Variants in KIAA0930 observed in about 807,000 individuals in gnomAD.
KIAA0930 encodes the protein KIAA0930.
A neutral mutation model predicts 43.9 loss-of-function variants in KIAA0930; 24 were observed. That is an observed-to-expected ratio of 0.55 (90% confidence interval 0.40 to 0.77). The LOEUF is 0.77. KIAA0930 is among the 30% of genes least tolerant of loss of function. The probability of loss-of-function intolerance (pLI) is 0.00; values close to 1 mark genes in which losing one functional copy is unlikely to be tolerated. For missense variants in KIAA0930, 461 were observed against 574.2 expected (o/e 0.80, Z 2.02); for synonymous variants, 259 against 216.4 (o/e 1.20, Z -1.73).
chr22:45,216,863 G>A (rs1210690296), intron 1 of KIAA0930, among the ~76,000 whole-genome samples: 1 of 152,092 alleles, frequency 6.6e-6, no homozygotes, highest in African/African-American at 2.4e-5. Flanking sequence ...TGTGCTCACG[G>A]CCCTGCCTTC....
intron 2 of KIAA0930, among the ~76,000 whole-genome samples, chr22:45,209,056 C>T (rs1258034849): frequency 6.6e-6 from 1 of 152,216 alleles, no homozygotes; most frequent in East Asian, 1.9e-4. Flanking sequence ...GACATCCCTC[C>T]CTGGGAAAGG....
At chr22:45,215,076 G>A (rs1453424130) in intron 1 of KIAA0930, among the ~76,000 whole-genome samples, 4 of 152,048 alleles carry the variant, frequency 2.6e-5, no homozygotes, top group African/African-American at 9.7e-5. Context: ...AACTTAGGTG[G>A]GTGTGGTGGT....
intron 1 of KIAA0930, among the ~76,000 whole-genome samples, chr22:45,215,262 TTAGTCTACATA>T (rs2083724572): frequency 6.6e-6 from 1 of 152,178 alleles, no homozygotes; most frequent in South Asian, 2.1e-4. Context: ...ATCAAACTGT[TTAGTCTACATA>T]TATGCAGTTT....
chr22:45,200,043 C>A lies in KIAA0930; in HGVS notation c.853-8G>T, dbSNP rs1186600494. 2 of 1,585,468 alleles carry A rather than the reference C, an allele frequency of 1.3e-6. No individual in the cohort carries two copies. Among genetic ancestry groups the A allele is most frequent in the African/African-American group, 1.4e-5 (1 of 72,914 alleles). On this transcript the variant is annotated splice_polypyrimidine_tract_variant and splice_region_variant and intron_variant, in intron 7 of 9. Transcript: ENST00000336156. The stretch of plus-strand genomic sequence containing the variant: ...TGTGCTGAAGGAGGTCACCTGGGAA[C>A]AAGCAGCCAAAGTCACCAGAGTAGC...
intron 7 of KIAA0930, chr22:45,201,093 C>T (rs570864351): frequency 8.4e-5 from 39 of 464,454 alleles, no homozygotes; most frequent in African/African-American, 3.0e-4. Context: ...CTCCTCGTCA[C>T]GGCTCCGACA....
At chr22:45,231,650 AATAC>A (rs778067173) in intron 1 of KIAA0930, among the ~76,000 whole-genome samples, 195 of 152,328 alleles carry the variant, frequency 1.3e-3, no homozygotes, top group Non-Finnish European at 2.2e-3. Context: ...GGTGACTACA[AATAC>A]ATAAAAATGT....
At chr22:45,216,454 C>T (rs1328099460) in intron 1 of KIAA0930, among the ~76,000 whole-genome samples, 2 of 151,826 alleles carry the variant, frequency 1.3e-5, no homozygotes, top group African/African-American at 2.4e-5. Flanking sequence ...ACACTGACAC[C>T]GAGCACGGCA....
intron 1 of KIAA0930, among the ~76,000 whole-genome samples, chr22:45,216,457 G>T (rs946542035): frequency 1.3e-5 from 2 of 152,162 alleles, no homozygotes; most frequent in African/African-American, 4.8e-5. Flanking sequence ...CTGACACCGA[G>T]CACGGCAGTG....
chr22:45,205,489 G>T, intron 4 of KIAA0930, 141 bp downstream of exon 4: 3 of 896,856 alleles, frequency 3.3e-6, no homozygotes, highest in Non-Finnish European at 5.3e-6. Context: ...TGGGATACGG[G>T]ATCCCAGGAG....
At chr22:45,212,382 G>A (rs1035096828) in intron 1 of KIAA0930, 17 of 1,587,108 alleles carry the variant, frequency 1.1e-5, no homozygotes, top group Non-Finnish European at 1.7e-6. Flanking sequence ...CCAGCCTGGG[G>A]ATGAATCAGC....
chr22:45,230,393 G>A (rs1356298914), intron 1 of KIAA0930, among the ~76,000 whole-genome samples: 1 of 152,026 alleles, frequency 6.6e-6, no homozygotes, highest in Non-Finnish European at 1.5e-5. Context: ...AAGCAGGAAG[G>A]TCTCTCTCAC....
intron 7 of KIAA0930, chr22:45,200,969 G>A (rs755615861): frequency 1.9e-6 from 1 of 521,302 alleles, no homozygotes; most frequent in Admixed American, 2.0e-5. Context: ...GAAGAAGGGG[G>A]GGAAGGGCGT....
intron 1 of KIAA0930, among the ~76,000 whole-genome samples, chr22:45,222,079 TA>T (rs2083770958): frequency 6.6e-6 from 1 of 152,154 alleles, no homozygotes; most frequent in Non-Finnish European, 1.5e-5. Context: ...GGATGTAGAT[TA>T]TTCTTCCACA....
chr22:45,197,824 G>C lies in KIAA0930; in HGVS notation c.1140C>G (p.Thr380=), dbSNP rs753649355. The part of the protein sequence containing the change: ...DGNFLLYAHL[T]YVTLPLHRIL... ...TCCGATGCAGCGGCAACGTGACGTA[G>C]GTTAAGTGTGCATAGAGAAGGAAGT... Residue 380 remains threonine (T), a synonymous_variant, in exon 9 of 10, where the codon ACC becomes ACG. Coordinates refer to ENST00000336156, the MANE Select transcript of KIAA0930 (RefSeq NM_001009880.2). 6.2e-6 allele frequency: 10 copies of C among 1,614,228 alleles called. No homozygotes were observed. The highest frequency in any genetic ancestry group is 7.6e-6 in the Non-Finnish European group (9 of 1,180,048).
At chr22:45,213,250 AGCCCTCGGCCCTCAGCCCTCAGCCCTCT>A (rs1283651265) in intron 1 of KIAA0930, 8 of 1,212,010 alleles carry the variant, frequency 6.6e-6, no homozygotes, top group Admixed American at 2.4e-5. Flanking sequence ...AGCCAGCCCC[AGCCCTCGGCCCTCAGCCCTCAGCCCTCT>A]GCCCTCTGCC....
chr22:45,202,428 G>T (rs1485563786), intron 7 of KIAA0930: 1 of 152,902 alleles, frequency 6.5e-6, no homozygotes, highest in Non-Finnish European at 1.5e-5. Context: ...GGCAAGTCTG[G>T]TTTCCGGCTG....
chr22:45,199,772 GAATGAACA>G, intron 8 of KIAA0930, 93 bp downstream of exon 8: 1 of 1,231,228 alleles, frequency 8.1e-7, no homozygotes, highest in Non-Finnish European at 1.1e-6. Context: ...AAGTGCTGCT[GAATGAACA>G]AATGAATGAA....
At chr22:45,198,589 T>C (rs2083557928) in intron 8 of KIAA0930, among the ~76,000 whole-genome samples, 1 of 152,230 alleles carries the variant, frequency 6.6e-6, no homozygotes, top group African/African-American at 2.4e-5. Context: ...TGATCAATGC[T>C]GCAGCCCTGC....
In KIAA0930 at chr22:45,197,135, G is replaced by T. The variant is rs907977107; in HGVS notation, c.*41C>A. The T allele has an allele frequency of 1.1e-5, 16 of 1,515,196 alleles. No individual in the cohort carries two copies. The highest frequency in any genetic ancestry group is 1.3e-5 in the Non-Finnish European group (15 of 1,124,630). The allele number at this position is 1,515,196 out of a possible 1,614,324, so 93.9% of individuals were successfully genotyped here. ...GGTAGGCACTTGGCAGCACTCCGAG[G>T]GCTGGGCCCGGCCGGGGCTCTGCGC... On this transcript the variant is annotated 3_prime_UTR_variant, in exon 10 of 10. Coordinates refer to ENST00000336156, the MANE Select transcript of KIAA0930 (RefSeq NM_001009880.2).
Sources: allele counts gnomAD v4.1 joint callset (sites outside exome capture counted in the v4.1 genomes callset), GRCh38; gene constraint gnomAD v4.1.1; transcripts MANE v1.5; gene names NCBI Gene and HGNC (gene_info 2026-07-23, HGNC 2026-07-21).